The following EIF4G1 variants were observed in gnomAD, a reference collection of about 807,000 sequenced individuals.
The protein encoded by EIF4G1 is EIF4-gamma.
A neutral mutation model predicts 187.8 loss-of-function variants in EIF4G1; 4 were observed. That is an observed-to-expected ratio of 0.02 (90% CI 0.01 to 0.05). EIF4G1 has a LOEUF of 0.05. Among genes scored for constraint, EIF4G1 ranks in the 10% least tolerant of loss-of-function variants. EIF4G1 has a pLI of 1.00. For synonymous variants in EIF4G1, 844 were observed against 781.4 expected, an observed-to-expected ratio of 1.08 and a Z score of -1.34; for missense variants, 1,647 against 2,081.1, an observed-to-expected ratio of 0.79 and a Z score of 4.06.
Position 184,315,883 on chromosome 3 carries a change from G to C in EIF4G1, c.60+27G>C, listed in dbSNP as rs761919522. ...TAATTAGGGAGGAATTAGCAGGGGTGGGGGTGGGGGAGACCAGGCAGTCTC... is the reference window on the plus strand; with the variant it reads ...TAATTAGGGAGGAATTAGCAGGGGTCGGGGTGGGGGAGACCAGGCAGTCTC... On this transcript the variant is annotated intron_variant, in intron 3 of 32. Coordinates refer to ENST00000346169, the MANE Select transcript of EIF4G1 (RefSeq NM_198241.3). 7 of 1,540,846 alleles carry C rather than the reference G, an allele frequency of 4.5e-6. No homozygotes were observed. In the South Asian group the frequency reaches 4.8e-5, roughly 11 times the overall value.
intron 32 of EIF4G1, among the ~76,000 whole-genome samples, chr3:184,333,957 C>T (rs921989034): frequency 1.3e-5 from 2 of 152,034 alleles, no homozygotes; most frequent in African/African-American, 4.8e-5. Context: ...GTGACTGTGC[C>T]CCTAGGCAGT....
chr3:184,334,920 GC>G lies in EIF4G1; in HGVS notation c.*14del. ...CTGACCACAACTGAGGGCTGGTGGG[GC>G]CGGGGACCTGGAGCCCCATGGACAC... On this transcript the variant is annotated 3_prime_UTR_variant, in exon 33 of 33. Transcript: ENST00000346169. This position sits in a 1 kb window ranked among gnomAD's most constrained non-coding sequence, Gnocchi z 5.8. The G allele has an allele frequency of 6.2e-7, 1 of 1,613,746 alleles. No homozygotes were observed. Among genetic ancestry groups the G allele is most frequent in the Non-Finnish European group, 8.5e-7 (1 of 1,179,952 alleles).
rs745917508 is a variant in EIF4G1 at position 184,327,618 on chromosome 3, C to G, written c.3694C>G (p.Pro1232Ala). The stretch of plus-strand genomic sequence containing the variant: ...AGAAGCTGCCCTACCCCCAGTGAGC[C>G]CCCTGAAGGCGGCTCTCTCTGAGGA... Reference protein sequence around the residue: ...KREAALPPVSPLKAALSEEEL... With the variant: ...KREAALPPVSALKAALSEEEL... Residue 1232 changes from proline to alanine, a missense_variant, in exon 25 of 33, where the codon CCC (proline) becomes GCC (alanine). Around this residue, in one of 11 missense-constraint regions of EIF4G1, gnomAD observed 543 missense variants for 638.0 expected, o/e 0.85. Transcript: ENST00000346169. The G allele has an allele frequency of 6.2e-7, 1 of 1,614,172 alleles. No homozygotes were observed. Among genetic ancestry groups the G allele is most frequent in the South Asian group, 1.1e-5 (1 of 91,084 alleles).
Position 184,324,926 on chromosome 3 carries a change from A to G in EIF4G1, c.2668A>G (p.Ile890Val), listed in dbSNP as rs373331022. The G allele has an allele frequency of 2.5e-6, 4 of 1,614,138 alleles. No homozygotes were observed. The highest frequency in any genetic ancestry group is 3.3e-5 in the Admixed American group (2 of 60,010). Residue 890 changes from isoleucine (I) to valine (V), a missense_variant, in exon 18 of 33, where the codon ATA becomes GTA. Ile to Val is a conservative substitution (Grantham distance 29, BLOSUM62 3). This residue lies in a region of EIF4G1 where 142 missense variants were observed against 296.6 expected (regional missense o/e 0.48). Coordinates refer to ENST00000346169, the MANE Select transcript of EIF4G1 (RefSeq NM_198241.3). ...LKEELEEARD[I>V]ARRRSLGNIK... ...GGAAGAGCTGGAAGAGGCTCGGGAC[A>G]TAGCCCGGCGGCGCTCTTTAGGGAA...
intron 2 of EIF4G1, 56 bp from the exon 3 acceptor site, chr3:184,315,707 C>T (rs751220176): frequency 6.6e-5 from 88 of 1,333,810 alleles, no homozygotes; most frequent in Non-Finnish European, 9.2e-5. Context: ...TTCACCGCCC[C>T]ATTTGCCTTA....
intron 21 of EIF4G1, 106 bp from the exon 22 acceptor site, chr3:184,326,421 A>T (rs1173245672): frequency 3.4e-6 from 4 of 1,167,234 alleles, no homozygotes; most frequent in Non-Finnish European, 5.1e-6. Context: ...AGATTTTCTG[A>T]CCCCTGGACT....
rs965113604 is a variant in EIF4G1 at position 184,335,242 on chromosome 3, C to T, written c.*334C>T. 8 of 325,424 alleles carry T rather than the reference C, an allele frequency of 2.5e-5. No homozygotes were observed. The East Asian group carries it at 5.0e-4, about 20-fold the overall frequency. The allele number at this position is 325,424 out of a possible 1,614,324, so 20.2% of individuals were successfully genotyped here. On this transcript the variant is annotated 3_prime_UTR_variant, in exon 33 of 33. Coordinates refer to ENST00000346169, the MANE Select transcript of EIF4G1 (RefSeq NM_198241.3). ...TTCTGAAAATCACTCTCGGGACTGCCGTCCTCGCTGCTGGGGGCATATGCC... is the reference window on the plus strand; with the variant it reads ...TTCTGAAAATCACTCTCGGGACTGCTGTCCTCGCTGCTGGGGGCATATGCC...
At position 184,329,106 on chromosome 3, in the gene EIF4G1, G is replaced by T. The variant is rs145176429; in HGVS notation, c.4161+116G>T. 4.7e-4 allele frequency: 597 copies of T among 1,262,672 alleles called. 3 individuals are homozygous for T. In the African/African-American group the frequency reaches 8.2e-3, roughly 17 times the overall value. 78.2% of individuals were successfully genotyped at this position (1,262,672 alleles called of 1,614,324 possible). On this transcript the variant is annotated intron_variant, in intron 28 of 32. Transcript: ENST00000346169. Reference sequence around the variant, plus strand: ...GTGGAGTGATGGTGATGACAGGATTGTGTTGGTACCTGGGAGAGGAAATAC... The same window carrying T: ...GTGGAGTGATGGTGATGACAGGATTTTGTTGGTACCTGGGAGAGGAAATAC...
At chr3:184,318,531 C>A (rs1723184803) in intron 6 of EIF4G1, among the ~76,000 whole-genome samples, 1 of 152,116 alleles carries the variant, frequency 6.6e-6, no homozygotes, top group Admixed American at 6.5e-5. Flanking sequence ...ACAGGCGGAT[C>A]ACTTGAGGTC....
At chr3:184,317,264 A>AT in intron 4 of EIF4G1, 57 bp from the exon 5 acceptor site, 9 of 1,602,502 alleles carry the variant, frequency 5.6e-6, no homozygotes, top group Non-Finnish European at 7.7e-6. Context: ...TGGAGTGGCA[A>AT]TTTTTTGTCC....
At position 184,324,229 on chromosome 3, in the gene EIF4G1, C is replaced by A. The variant is rs747850664; in HGVS notation, c.2501C>A (p.Thr834Lys). The change falls in exon 17 of 33, where the codon ACA becomes AAA. Residue 834 changes from threonine (T) to lysine (K), a missense_variant. Physicochemically the swap from Thr to Lys is moderately conservative, Grantham distance 78. Around this residue, in one of 11 missense-constraint regions of EIF4G1, gnomAD observed 36 missense variants for 87.6 expected, o/e 0.41. Coordinates refer to ENST00000346169, the MANE Select transcript of EIF4G1 (RefSeq NM_198241.3). ...ALKVPTTEKP[T>K]VTVNFRKLLL... ...AAAGTGCCCACTACGGAAAAGCCAA[C>A]AGTGACTGTGAACTTCCGAAAGCTG... 6.2e-7 allele frequency: 1 copy of A among 1,614,116 alleles called. No individual in the cohort carries two copies. Among genetic ancestry groups the A allele is most frequent in the East Asian group, 2.2e-5 (1 of 44,900 alleles).
Position 184,323,673 on chromosome 3 carries a change from C to T in EIF4G1, c.2274+80C>T. ...CTGTGCCCTCTTTGCTTCTTTTTGT[C>T]CTTATCACTAGCATCTGTCATGCCT... On this transcript the variant is annotated intron_variant, in intron 15 of 32. Transcript: ENST00000346169. The surrounding 1 kb of genome is among the most constrained non-coding windows in gnomAD (Gnocchi z 6.9). 8.1e-6 allele frequency: 13 copies of T among 1,610,238 alleles called. No homozygotes were observed. Among genetic ancestry groups the T allele is most frequent in the East Asian group, 2.2e-5 (1 of 44,844 alleles).
chr3:184,333,658 G>A (rs747654475), intron 32 of EIF4G1, among the ~76,000 whole-genome samples: 3 of 152,178 alleles, frequency 2.0e-5, no homozygotes, highest in Non-Finnish European at 4.4e-5. Context: ...TATTTAGTGG[G>A]GCAGGGGACA....
Position 184,323,617 on chromosome 3 carries a change from T to A in EIF4G1, c.2274+24T>A, listed in dbSNP as rs1409012078. On this transcript the variant is annotated intron_variant, in intron 15 of 32. Transcript: ENST00000346169. The surrounding 1 kb of genome is among the most constrained non-coding windows in gnomAD (Gnocchi z 6.9). ...AGGTACTGGCAAGTCCTGCTTTTGG[T>A]CTCTCTCCATTTCTTCTCCAGGTCT... The A allele has an allele frequency of 4.3e-6, 7 of 1,613,464 alleles. No homozygotes were observed. The highest frequency in any genetic ancestry group is 5.9e-6 in the Non-Finnish European group (7 of 1,179,956).
chr3:184,324,159 C>T, intron 16 of EIF4G1, 42 bp from the exon 17 acceptor site: 3 of 1,614,100 alleles, frequency 1.9e-6, no homozygotes, highest in Non-Finnish European at 2.5e-6. Context: ...GCCTTCCCTG[C>T]CCAGGACTAG....
At chr3:184,328,252 C>G in intron 26 of EIF4G1, 1 of 520,856 alleles carries the variant, frequency 1.9e-6, no homozygotes. Context: ...CAAAAATTAG[C>G]CAGGCGTGGT....
chr3:184,335,341 T>G lies in EIF4G1; in HGVS notation c.*433T>G, dbSNP rs549290418. The G allele has an allele frequency of 4.5e-6, 1 of 223,108 alleles. No homozygotes were observed. The highest frequency in any genetic ancestry group is 9.2e-6 in the Non-Finnish European group (1 of 108,954). The allele number at this position is 223,108 out of a possible 1,614,324, so 13.8% of individuals were successfully genotyped here. On this transcript the variant is annotated 3_prime_UTR_variant, in exon 33 of 33. Transcript: ENST00000346169. Reference sequence around the variant, plus strand: ...GCACGGTGCCTGTAATTATTAAACATGAATTCAATTAAGCTCACTGCCTTT... The same window carrying G: ...GCACGGTGCCTGTAATTATTAAACAGGAATTCAATTAAGCTCACTGCCTTT...
intron 17 of EIF4G1, 31 bp downstream of exon 17, chr3:184,324,378 A>C: frequency 6.2e-7 from 1 of 1,614,034 alleles, no homozygotes; most frequent in Non-Finnish European, 8.5e-7. Flanking sequence ...GATTCCACTC[A>C]CCACTTACCT....
In EIF4G1 at chr3:184,325,712, C is replaced by A; in HGVS notation, c.3121+73C>A. On this transcript the variant is annotated intron_variant, in intron 20 of 32. Coordinates refer to ENST00000346169, the MANE Select transcript of EIF4G1 (RefSeq NM_198241.3). This position sits in a 1 kb window ranked among gnomAD's most constrained non-coding sequence, Gnocchi z 5.2. ...GGTTATACTTTCCTCTGATGACTTCCTGTTAGTGCCACGTGTCTGGGCCAC... is the reference window on the plus strand; with the variant it reads ...GGTTATACTTTCCTCTGATGACTTCATGTTAGTGCCACGTGTCTGGGCCAC... The A allele has an allele frequency of 6.2e-7, 1 of 1,612,698 alleles. No homozygotes were observed. Among genetic ancestry groups the A allele is most frequent in the Non-Finnish European group, 8.5e-7 (1 of 1,178,828 alleles).
Sources: gnomAD v4.1 joint callset for allele counts (sites outside exome capture counted in the v4.1 genomes callset) on GRCh38, gnomAD v4.1.1 for gene constraint, gnomAD v4.1.1 regional missense constraint, Gnocchi (gnomAD v3.1) non-coding constraint, MANE v1.5 for transcripts, NCBI Gene and HGNC (gene_info 2026-07-23, HGNC 2026-07-21) for gene names.